RARB: variants seen among roughly 807,000 people sequenced by gnomAD.
RARB encodes HBV-activated protein.
Under a neutral mutation model 51.9 loss-of-function variants are expected in RARB, and 17 were observed. That is an observed-to-expected ratio of 0.33 (90% CI 0.22 to 0.49). The LOEUF is 0.49. Among genes scored for constraint, RARB ranks in the 20% least tolerant of loss-of-function variants. The probability of loss-of-function intolerance (pLI) is 0.99; values close to 1 mark genes in which losing one functional copy is unlikely to be tolerated. For missense variants in RARB, 369 were observed against 550.8 expected, an observed-to-expected ratio of 0.67 and a Z score of 3.30; for synonymous variants, 215 against 195.4, an observed-to-expected ratio of 1.10 and a Z score of -0.84.
chr3:25,501,041 A>T, intron 2 of RARB, 141 bp from the exon 3 acceptor site: 1 of 962,280 alleles, frequency 1.0e-6, no homozygotes, highest in Non-Finnish European at 1.5e-6. Flanking sequence ...CGAGGATTTT[A>T]AGGTTTATGT....
At position 25,256,238 on chromosome 3, in the gene RARB, C is replaced by T. The variant is rs191691357; in HGVS notation, c.178+81663C>T. Among the ~76,000 whole-genome samples the T allele has an allele frequency of 2.9e-3, 438 of 152,252 alleles. 3 individuals carry two copies. The highest frequency in any genetic ancestry group is 3.7e-3 in the Non-Finnish European group (253 of 67,996). ...GAACCAATATTCCACTGAAAAGATA[C>T]GGCCCCTTCCTGCCATTAAGAAAAT... On this transcript the variant is annotated intron_variant, in intron 5 of 11. Coordinates refer to the RARB transcript ENST00000383772.
rs530630430 is a variant in RARB at position 25,440,667 on chromosome 3, G to A, written c.157+11779G>A. On this transcript the variant is annotated intron_variant, in intron 1 of 7. Coordinates refer to ENST00000330688, the MANE Select transcript of RARB (RefSeq NM_000965.5). ...CCGCGCCTGTAGTCCCAGCTGCTCA[G>A]GAGGCTGAGGCAGGAGAATCGCTTG... 7.9e-5 allele frequency among the ~76,000 whole-genome samples: 12 copies of A among 152,116 alleles called. 1 individual carries two copies. The South Asian group carries it at 2.1e-3, about 26-fold the overall frequency.
chr3:25,375,046 G>C (rs1020212123), intron 5 of RARB, among the ~76,000 whole-genome samples: 2 of 141,628 alleles, frequency 1.4e-5, no homozygotes, highest in East Asian at 3.9e-4. Context: ...AACTTAAAGC[G>C]AGAGAAATAA....
intron 1 of RARB, among the ~76,000 whole-genome samples, chr3:24,840,686 T>C (rs369492243): frequency 5.3e-5 from 8 of 150,724 alleles, no homozygotes; most frequent in African/African-American, 2.0e-4. Context: ...TGTAAATGGT[T>C]AGTATTTGCT....
At chr3:25,370,428 G>T (rs1037458086) in intron 5 of RARB, among the ~76,000 whole-genome samples, 14 of 152,190 alleles carry the variant, frequency 9.2e-5, no homozygotes, top group African/African-American at 3.4e-4. Flanking sequence ...AAGAGTTGAG[G>T]AACCTGGGAA....
chr3:25,087,242 G>A (rs1019968372), intron 3 of RARB, among the ~76,000 whole-genome samples: 5 of 152,268 alleles, frequency 3.3e-5, no homozygotes, highest in South Asian at 2.1e-4. Flanking sequence ...TTCATGGCCT[G>A]AGCTAGTGTT....
At chr3:25,343,308 C>T (rs1271086345) in intron 5 of RARB, among the ~76,000 whole-genome samples, 4 of 152,040 alleles carry the variant, frequency 2.6e-5, no homozygotes, top group African/African-American at 9.7e-5. Flanking sequence ...AGAAGAGTGC[C>T]ATGCCTATAG....
intron 1 of RARB, among the ~76,000 whole-genome samples, chr3:25,457,906 A>G (rs892284667): frequency 1.3e-5 from 2 of 152,120 alleles, no homozygotes; most frequent in African/African-American, 2.4e-5. Flanking sequence ...GAAGAACTCA[A>G]TGCGAGATTG....
At chr3:25,195,637 A>G (rs902948818) in intron 5 of RARB, among the ~76,000 whole-genome samples, 2 of 151,994 alleles carry the variant, frequency 1.3e-5, no homozygotes, top group African/African-American at 4.8e-5. Context: ...ACAAAGGTGC[A>G]TTGAAAAATT....
intron 5 of RARB, among the ~76,000 whole-genome samples, chr3:25,231,186 A>G (rs75925743): frequency 0.028 from 4,211 of 152,248 alleles, 105 homozygotes; most frequent in African/African-American, 0.059. Context: ...ATGCAAAACA[A>G]TGATGTTTGA....
chr3:25,111,480 G>A (rs1265973710), intron 3 of RARB, among the ~76,000 whole-genome samples: 4 of 151,734 alleles, frequency 2.6e-5, no homozygotes, highest in African/African-American at 9.7e-5. Flanking sequence ...TTTCTGAAAT[G>A]CCATGCCCCT....
At chr3:25,388,382 G>A (rs887257668) in intron 5 of RARB, among the ~76,000 whole-genome samples, 3 of 152,184 alleles carry the variant, frequency 2.0e-5, no homozygotes, top group African/African-American at 7.2e-5. Flanking sequence ...AGAGATTGAT[G>A]TGATGATATG....
chr3:25,596,806 T>C lies in RARB; in HGVS notation c.*190T>C. ...GTGTAACTTACCTAGAAATACAAAC[T>C]TTTCCAATTTTAAAAAATCAGCCAT... On this transcript the variant is annotated 3_prime_UTR_variant, in exon 8 of 8. Coordinates refer to ENST00000330688, the MANE Select transcript of RARB (RefSeq NM_000965.5). 2.3e-6 allele frequency: 1 copy of C among 430,146 alleles called. No individual in the cohort carries two copies. The highest frequency in any genetic ancestry group is 3.6e-5 in the East Asian group (1 of 27,892). The allele number at this position is 430,146 out of a possible 1,614,324, so 26.6% of individuals were successfully genotyped here. A position where few individuals can be genotyped will look rare whatever the true frequency, so the allele number is the denominator to read the frequency against.
intron 2 of RARB, among the ~76,000 whole-genome samples, chr3:24,860,835 G>C (rs1702736779): frequency 6.6e-6 from 1 of 152,154 alleles, no homozygotes; most frequent in Non-Finnish European, 1.5e-5. Context: ...TTTCTAAAAA[G>C]AGGAATTGAA....
At chr3:25,067,116 A>AAAGGG (rs1429605659) in intron 3 of RARB, among the ~76,000 whole-genome samples, 2 of 152,182 alleles carry the variant, frequency 1.3e-5, no homozygotes, top group Non-Finnish European at 2.9e-5. Context: ...GGGCTCCAGA[A>AAAGGG]AAGGGTATGG....
At chr3:24,917,603 T>A (rs1695133186) in intron 2 of RARB, among the ~76,000 whole-genome samples, 1 of 152,216 alleles carries the variant, frequency 6.6e-6, no homozygotes, top group South Asian at 2.1e-4. Context: ...CGATCTCTGC[T>A]CACTGCAACC....
At chr3:24,984,275 G>C (rs1192172652) in intron 2 of RARB, among the ~76,000 whole-genome samples, 1 of 152,172 alleles carries the variant, frequency 6.6e-6, no homozygotes, top group Non-Finnish European at 1.5e-5. Context: ...ACATGGAAAT[G>C]CACATAAAAC....
intron 2 of RARB, among the ~76,000 whole-genome samples, chr3:24,889,162 A>G (rs773713192): frequency 6.6e-6 from 1 of 152,200 alleles, no homozygotes; most frequent in Non-Finnish European, 1.5e-5. Flanking sequence ...CAGAAATGCC[A>G]TCTCTTTTCC....
intron 5 of RARB, among the ~76,000 whole-genome samples, chr3:25,299,599 G>T (rs951879726): frequency 2.6e-5 from 4 of 152,168 alleles, no homozygotes; most frequent in East Asian, 1.9e-4. Flanking sequence ...TTTAATTGTT[G>T]CAATATTTCA....
Sources: gnomAD v4.1 joint callset for allele counts (sites outside exome capture counted in the v4.1 genomes callset) on GRCh38, gnomAD v4.1.1 for gene constraint, MANE v1.5 for transcripts, NCBI Gene and HGNC (gene_info 2026-07-23, HGNC 2026-07-21) for gene names.